Variants in ADK observed in about 807,000 individuals in gnomAD.
The protein encoded by ADK is N6,N6-dimethyladenosine kinase.
In ADK, 24 loss-of-function variants were observed where a neutral mutation model predicts 44.7. The ratio of observed to expected loss-of-function variants is 0.54; its 90% CI spans 0.39 to 0.76. ADK has a LOEUF of 0.76. ADK is among the 30% of genes least tolerant of loss of function. ADK has a pLI of 0.00. For synonymous variants in ADK, 128 were observed against 142.6 expected, an observed-to-expected ratio of 0.90 and a Z score of 0.73; for missense variants, 321 against 425.1, an observed-to-expected ratio of 0.76 and a Z score of 2.15.
chr10:74,392,055 A>G (rs952882330), intron 4 of ADK, among the ~76,000 whole-genome samples: 1 of 151,948 alleles, frequency 6.6e-6, no homozygotes, highest in Non-Finnish European at 1.5e-5. Flanking sequence ...TTTATCCTTT[A>G]ATTGTTGATA....
At chr10:74,206,136 A>G (rs916406362) in intron 2 of ADK, among the ~76,000 whole-genome samples, 6 of 152,232 alleles carry the variant, frequency 3.9e-5, no homozygotes, top group Non-Finnish European at 7.3e-5. Context: ...GTATAAAAGT[A>G]AAGAGCAACT....
chr10:74,648,233 A>G (rs976689167), intron 9 of ADK, among the ~76,000 whole-genome samples: 3 of 152,202 alleles, frequency 2.0e-5, no homozygotes, highest in African/African-American at 7.2e-5. Context: ...CCTACAAGAA[A>G]TGCTAAAAGG....
chr10:74,596,904 G>A (rs750576951), intron 8 of ADK, among the ~76,000 whole-genome samples: 48 of 152,134 alleles, frequency 3.2e-4, no homozygotes, highest in Non-Finnish European at 1.0e-4. Context: ...TATAAAATAG[G>A]GATAATAATA....
rs569909762 is a variant in ADK at position 74,458,640 on chromosome 10, G to A, written c.555+60061G>A. 5.3e-5 allele frequency among the ~76,000 whole-genome samples: 8 copies of A among 152,170 alleles called. No individual in the cohort carries two copies. In the East Asian group the frequency reaches 1.5e-3, roughly 29 times the overall value. The stretch of plus-strand genomic sequence containing the variant: ...ATTATTGCCCTATATTTCTAGTAAA[G>A]TAATGTAGATCTAGTTTGATACAAA... On this transcript the variant is annotated intron_variant, in intron 6 of 10. Coordinates refer to ENST00000539909, the MANE Select transcript of ADK (RefSeq NM_006721.4).
intron 9 of ADK, among the ~76,000 whole-genome samples, chr10:74,610,869 T>C (rs1465282486): frequency 2.6e-5 from 4 of 152,104 alleles, no homozygotes; most frequent in African/African-American, 9.7e-5. Context: ...TATATGTATG[T>C]AAATACATAT....
chr10:74,583,548 A>G (rs750588355), intron 7 of ADK, among the ~76,000 whole-genome samples: 16 of 152,144 alleles, frequency 1.1e-4, no homozygotes, highest in Non-Finnish European at 1.9e-4. Context: ...TTTGCTGACC[A>G]CACTTGCTTT....
At chr10:74,633,773 A>G (rs1012612473) in intron 9 of ADK, among the ~76,000 whole-genome samples, 1 of 152,182 alleles carries the variant, frequency 6.6e-6, no homozygotes, top group Non-Finnish European at 1.5e-5. Context: ...GGAGGAGGAG[A>G]ATGGCCTTGA....
intron 3 of ADK, among the ~76,000 whole-genome samples, chr10:74,270,882 GC>G (rs1276727729): frequency 6.6e-6 from 1 of 152,166 alleles, no homozygotes; most frequent in African/African-American, 2.4e-5. Flanking sequence ...AAGTGGCAAG[GC>G]AGCAATTTGG....
At position 74,331,005 on chromosome 10, in the gene ADK, C is replaced by A. The variant is rs1197891003; in HGVS notation, c.273+16260C>A. Among the ~76,000 whole-genome samples the A allele has an allele frequency of 3.3e-4, 50 of 152,114 alleles. 1 individual carries two copies. The highest frequency in any genetic ancestry group is 3.2e-3 in the Admixed American group (49 of 15,268). ...CTTTTCTGTAGTCCCTGTACTTTCC[C>A]ACCCCAATTTATATTTCCTGTTTCT... On this transcript the variant is annotated intron_variant, in intron 4 of 10. Transcript: ENST00000539909.
At chr10:74,431,963 C>T (rs867745780) in intron 6 of ADK, among the ~76,000 whole-genome samples, 1 of 152,116 alleles carries the variant, frequency 6.6e-6, no homozygotes. Flanking sequence ...GAGGCCAAGG[C>T]GGGAGGATCC....
At chr10:74,510,773 T>C (rs1848280485) in intron 6 of ADK, among the ~76,000 whole-genome samples, 1 of 152,192 alleles carries the variant, frequency 6.6e-6, no homozygotes, top group South Asian at 2.1e-4. Context: ...AGTGGTGCGA[T>C]AATGACTCAC....
chr10:74,298,602 A>T (rs906159300), intron 3 of ADK, among the ~76,000 whole-genome samples: 14 of 152,034 alleles, frequency 9.2e-5, no homozygotes, highest in Admixed American at 7.9e-4. Flanking sequence ...AAATAAAAAT[A>T]AAAAGAGTAT....
chr10:74,697,171 C>T (rs1009836490), intron 10 of ADK, among the ~76,000 whole-genome samples: 1 of 151,986 alleles, frequency 6.6e-6, no homozygotes. Context: ...AAAATAGAGC[C>T]ACTGACATGT....
At chr10:74,219,821 C>T (rs1341100542) in intron 2 of ADK, among the ~76,000 whole-genome samples, 31 of 151,162 alleles carry the variant, frequency 2.1e-4, no homozygotes, top group Non-Finnish European at 3.7e-4. Context: ...TTGAAACCAA[C>T]GAGAACAAAG....
intron 9 of ADK, among the ~76,000 whole-genome samples, chr10:74,605,099 C>T (rs549728965): frequency 1.3e-5 from 2 of 152,080 alleles, no homozygotes; most frequent in Non-Finnish European, 2.9e-5. Flanking sequence ...ATTTTGTATC[C>T]TGAGACTTTG....
chr10:74,432,360 T>TTAA (rs1845031446), intron 6 of ADK, among the ~76,000 whole-genome samples: 1 of 152,204 alleles, frequency 6.6e-6, no homozygotes, highest in African/African-American at 2.4e-5. Flanking sequence ...AAAGGCAGTA[T>TTAA]TAATATCTGT....
chr10:74,519,135 A>G (rs1014654947), intron 6 of ADK, among the ~76,000 whole-genome samples: 6 of 152,002 alleles, frequency 3.9e-5, no homozygotes, highest in African/African-American at 1.4e-4. Flanking sequence ...ATACCGTATT[A>G]GACATAAAAA....
At chr10:74,367,416 T>G (rs1032932425) in intron 4 of ADK, among the ~76,000 whole-genome samples, 1 of 152,192 alleles carries the variant, frequency 6.6e-6, no homozygotes, top group African/African-American at 2.4e-5. Flanking sequence ...ACATGAATTT[T>G]TCTGAGGATA....
intron 3 of ADK, among the ~76,000 whole-genome samples, chr10:74,262,976 T>C (rs900400475): frequency 6.6e-6 from 1 of 152,214 alleles, no homozygotes; most frequent in African/African-American, 2.4e-5. Flanking sequence ...AATTCTTCAA[T>C]TGTTGCAAAA....
Sources: allele counts gnomAD v4.1 joint callset (sites outside exome capture counted in the v4.1 genomes callset), GRCh38; gene constraint gnomAD v4.1.1; transcripts MANE v1.5; gene names NCBI Gene and HGNC (gene_info 2026-07-23, HGNC 2026-07-21).